The following CTNND2 variants were observed in gnomAD, a reference collection of about 807,000 sequenced individuals.
The protein encoded by CTNND2 is catenin delta-2.
CTNND2 carries 22 observed loss-of-function variants against 144.4 expected under a neutral mutation model. The ratio of observed to expected loss-of-function variants is 0.15; its 90% confidence interval spans 0.11 to 0.22. The LOEUF is 0.22. Ranked by LOEUF, CTNND2 falls within the 10% of genes least tolerant of loss-of-function variation. The pLI, the probability that CTNND2 is intolerant of heterozygous loss-of-function variation, is 1.00. For synonymous variants in CTNND2, 751 were observed against 695.6 expected, an observed-to-expected ratio of 1.08 and a Z score of -1.25; for missense variants, 1,353 against 1,618.8, an observed-to-expected ratio of 0.84 and a Z score of 2.82.
rs189805119 is a variant in CTNND2, at chr5:10,988,739, T to A, written c.3212-497A>T. On this transcript the variant is annotated intron_variant, in intron 19 of 21. Transcript: ENST00000304623. The surrounding 1 kb of genome is among the most constrained non-coding windows in gnomAD (Gnocchi z 5.9). ...CACTGAGTCACCTAGAAACTGCCTT[T>A]AAAAAAGTCAGAGGAAACAGCTCTC... is the stretch of plus-strand genomic sequence containing the variant. Among the ~76,000 whole-genome samples, 46 of 152,164 alleles carry A rather than the reference T, an allele frequency of 3.0e-4. No homozygotes were observed. The highest frequency in any genetic ancestry group is 1.7e-3 in the South Asian group (8 of 4,814).
chr5:11,610,918 T>C (rs1349794235), intron 2 of CTNND2, among the ~76,000 whole-genome samples: 2 of 152,276 alleles, frequency 1.3e-5, no homozygotes, highest in East Asian at 3.9e-4. Context: ...TAGAAATAGA[T>C]GGTAATCTGG....
chr5:11,506,902 C>T (rs1298458377), intron 3 of CTNND2, among the ~76,000 whole-genome samples: 2 of 152,174 alleles, frequency 1.3e-5, no homozygotes, highest in Non-Finnish European at 2.9e-5. Context: ...TAAAATCAAC[C>T]CAGCTTTAGC....
chr5:11,890,320 C>G lies in CTNND2; in HGVS notation c.37+13497G>C, dbSNP rs190354736. On this transcript the variant is annotated intron_variant, in intron 1 of 21. Coordinates refer to ENST00000304623, the MANE Select transcript of CTNND2 (RefSeq NM_001332.4). ...AAAAACCTGTCACAGCTGTATTTAT[C>G]ATGAGATAACCTGCCTTTGAAAGAC... 2.2e-3 allele frequency among the ~76,000 whole-genome samples: 333 copies of G among 152,280 alleles called. 2 individuals carry two copies. The highest frequency in any genetic ancestry group is 7.5e-3 in the African/African-American group (311 of 41,568).
At chr5:11,690,105 A>G (rs1784825397) in intron 2 of CTNND2, among the ~76,000 whole-genome samples, 1 of 152,252 alleles carries the variant, frequency 6.6e-6, no homozygotes, top group Admixed American at 6.5e-5. Flanking sequence ...TGCCTCAATT[A>G]TAAAACGACT....
intron 2 of CTNND2, among the ~76,000 whole-genome samples, chr5:11,704,194 G>A (rs1431997770): frequency 6.6e-6 from 1 of 152,224 alleles, no homozygotes; most frequent in East Asian, 1.9e-4. Context: ...CATCAATCTT[G>A]TTCCGGCCTG....
At chr5:11,198,435 G>C (rs1737090404) in intron 11 of CTNND2, among the ~76,000 whole-genome samples, 1 of 152,174 alleles carries the variant, frequency 6.6e-6, no homozygotes, top group Admixed American at 6.5e-5. Flanking sequence ...TACGAAAGTT[G>C]GGAGTCTTGA....
chr5:11,046,334 A>G (rs952382529), intron 16 of CTNND2, among the ~76,000 whole-genome samples: 4 of 152,208 alleles, frequency 2.6e-5, no homozygotes, highest in Non-Finnish European at 4.4e-5. Context: ...CTACAAGCCA[A>G]GGAACGCCAT....
intron 16 of CTNND2, among the ~76,000 whole-genome samples, chr5:11,061,474 A>G (rs559862590): frequency 2.3e-4 from 35 of 152,250 alleles, no homozygotes; most frequent in African/African-American, 8.2e-4. Context: ...AGCTACAACA[A>G]CATTGACCTT....
intron 9 of CTNND2, among the ~76,000 whole-genome samples, chr5:11,310,770 A>G (rs903297185): frequency 1.3e-5 from 2 of 151,004 alleles, no homozygotes; most frequent in Non-Finnish European, 3.0e-5. Flanking sequence ...TCACACACAC[A>G]TACACTCTCA....
intron 9 of CTNND2, among the ~76,000 whole-genome samples, chr5:11,287,517 C>T (rs1264198949): frequency 2.0e-5 from 3 of 152,130 alleles, no homozygotes; most frequent in African/African-American, 7.2e-5. Context: ...ATACAGATGC[C>T]AAAGGTGCCA....
At chr5:11,383,885 G>A (rs148953706) in intron 7 of CTNND2, among the ~76,000 whole-genome samples, 97 of 152,308 alleles carry the variant, frequency 6.4e-4, no homozygotes, top group African/African-American at 2.3e-3. Flanking sequence ...ACAGCAGAGA[G>A]GCACCAGCGC....
At chr5:11,233,226 G>A (rs1741239783) in intron 10 of CTNND2, among the ~76,000 whole-genome samples, 1 of 152,114 alleles carries the variant, frequency 6.6e-6, no homozygotes, top group Admixed American at 6.5e-5. Flanking sequence ...AGCCAGGGAT[G>A]AGGATTTTAT....
At chr5:11,111,519 G>C (rs1752980209) in intron 13 of CTNND2, among the ~76,000 whole-genome samples, 1 of 152,184 alleles carries the variant, frequency 6.6e-6, no homozygotes, top group Non-Finnish European at 1.5e-5. Context: ...GTGCAAACCA[G>C]GGTTGTCCCA....
intron 1 of CTNND2, among the ~76,000 whole-genome samples, chr5:11,833,779 C>A (rs1794030922): frequency 6.6e-6 from 1 of 152,208 alleles, no homozygotes; most frequent in Non-Finnish European, 1.5e-5. Context: ...CCTCCTCAGT[C>A]TCCCAAAGTC....
At chr5:11,619,541 T>G (rs962455763) in intron 2 of CTNND2, among the ~76,000 whole-genome samples, 1 of 152,216 alleles carries the variant, frequency 6.6e-6, no homozygotes, top group Non-Finnish European at 1.5e-5. Context: ...TTAGTCTTTT[T>G]AAATCCTATG....
intron 1 of CTNND2, among the ~76,000 whole-genome samples, chr5:11,793,136 C>A (rs1047836667): frequency 1.3e-5 from 2 of 152,148 alleles, no homozygotes; most frequent in Non-Finnish European, 2.9e-5. Context: ...TTACAGTTTG[C>A]TGTGCTATTG....
In CTNND2 at chr5:11,852,542, G is replaced by C. The variant is rs58150313; in HGVS notation, c.37+51275C>G. Among the ~76,000 whole-genome samples, 999 of 152,222 alleles carry C rather than the reference G, an allele frequency of 6.6e-3. 16 individuals carry two copies. The highest frequency in any genetic ancestry group is 0.023 in the African/African-American group (964 of 41,492). ...TGTGAAGGAAATGCCAACTGTGACAGTATCACTGACCAAAGAAACAGGTAC... is the reference window on the plus strand; with the variant it reads ...TGTGAAGGAAATGCCAACTGTGACACTATCACTGACCAAAGAAACAGGTAC... On this transcript the variant is annotated intron_variant, in intron 1 of 21. Transcript: ENST00000304623.
At chr5:11,351,862 C>A (rs927570902) in intron 8 of CTNND2, among the ~76,000 whole-genome samples, 1 of 152,038 alleles carries the variant, frequency 6.6e-6, no homozygotes, top group African/African-American at 2.4e-5. Context: ...AAAGAATGTC[C>A]CTCTGAAAGT....
chr5:11,875,821 A>C (rs1735528757), intron 1 of CTNND2, among the ~76,000 whole-genome samples: 1 of 152,204 alleles, frequency 6.6e-6, no homozygotes, highest in Non-Finnish European at 1.5e-5. Context: ...GAATAGACTC[A>C]AGACTATACT....
Sources: allele counts gnomAD v4.1 joint callset (sites outside exome capture counted in the v4.1 genomes callset), GRCh38; gene constraint gnomAD v4.1.1; non-coding constraint Gnocchi (gnomAD v3.1); transcripts MANE v1.5; gene names NCBI Gene and HGNC (gene_info 2026-07-23, HGNC 2026-07-21).